The following LIPG variants were observed in gnomAD, a reference collection of about 807,000 sequenced individuals.
The protein encoded by LIPG is endothelial lipase.
Under a neutral mutation model 51.8 loss-of-function variants are expected in LIPG, and 34 were observed. The observed-to-expected ratio is 0.66, with a 90% CI of 0.50 to 0.87. The LOEUF (loss-of-function observed/expected upper bound fraction) is 0.87, where lower values mean the gene tolerates loss of function less well. Ranked by LOEUF, LIPG falls within the 40% of genes least tolerant of loss-of-function variation. The pLI is 0.00. For synonymous variants in LIPG, 246 were observed against 246.1 expected, an observed-to-expected ratio of 1.00 and a Z score of 0.00; for missense variants, 580 against 652.7, an observed-to-expected ratio of 0.89 and a Z score of 1.21.
chr18:49,583,485 G>C (rs2084846222), intron 7 of LIPG, 71 bp from the exon 8 acceptor site: 5 of 1,287,026 alleles, frequency 3.9e-6, no homozygotes, highest in Admixed American at 1.7e-5. Flanking sequence ...TACTGCCACT[G>C]TGTCACCCCA....
chr18:49,569,765 G>A (rs568841232), intron 4 of LIPG, among the ~76,000 whole-genome samples: 1 of 152,120 alleles, frequency 6.6e-6, no homozygotes, highest in Non-Finnish European at 1.5e-5. Flanking sequence ...ACACAGAAAG[G>A]GGGGTGCTGT....
chr18:49,572,326 T>TA (rs981809449), intron 4 of LIPG, among the ~76,000 whole-genome samples: 1 of 88,376 alleles, frequency 1.1e-5, no homozygotes, highest in Non-Finnish European at 2.9e-5. Context: ...GTCTCAAAAA[T>TA]AAAAAATAAA....
Position 49,575,481 on chromosome 18 carries a change from G to C in LIPG, c.684G>C (p.Leu228Phe), listed in dbSNP as rs766132335. The change falls in exon 5 of 10, where the codon TTG becomes TTC. Residue 228 changes from leucine (L) to phenylalanine (F), a missense_variant. By Grantham distance (22) the Leu-to-Phe change is conservative. Transcript: ENST00000261292. ...VLHTYTRSFG[L>F]SIGIQMPVGH... ...ACACCTACACGCGTTCCTTCGGCTT[G>C]AGCATTGGTATTCAGATGCCTGTGG... The C allele has an allele frequency of 6.2e-7, 1 of 1,614,218 alleles. No homozygotes were observed. The highest frequency in any genetic ancestry group is 1.7e-5 in the Admixed American group (1 of 60,022).
chr18:49,570,200 G>A (rs1414183761), intron 4 of LIPG, among the ~76,000 whole-genome samples: 2 of 152,232 alleles, frequency 1.3e-5, no homozygotes, highest in Non-Finnish European at 2.9e-5. Flanking sequence ...GAACCTTTCT[G>A]ATATTGGTCC....
intron 4 of LIPG, among the ~76,000 whole-genome samples, chr18:49,572,822 G>A (rs1228447555): frequency 6.6e-6 from 1 of 152,140 alleles, no homozygotes; most frequent in East Asian, 1.9e-4. Context: ...TTTTACATGT[G>A]TGCATGTGTG....
chr18:49,584,805 C>T (rs1406769343), intron 8 of LIPG, among the ~76,000 whole-genome samples: 1 of 151,998 alleles, frequency 6.6e-6, no homozygotes, highest in Non-Finnish European at 1.5e-5. Context: ...GATGTGAGAG[C>T]AGAAAGATGA....
At chr18:49,586,399 T>G (rs141692155) in intron 8 of LIPG, among the ~76,000 whole-genome samples, 2 of 152,352 alleles carry the variant, frequency 1.3e-5, no homozygotes, top group African/African-American at 4.8e-5. Context: ...ACATACTTTG[T>G]AACCAGTTTA....
At chr18:49,576,143 A>G (rs1465142314) in intron 5 of LIPG, among the ~76,000 whole-genome samples, 1 of 151,722 alleles carries the variant, frequency 6.6e-6, no homozygotes, top group East Asian at 1.9e-4. Flanking sequence ...CGGCTGATTA[A>G]TTTCTTTTTA....
At chr18:49,579,804 T>TTTTCTTTTC (rs1491585517) in intron 5 of LIPG, among the ~76,000 whole-genome samples, 1 of 140,952 alleles carries the variant, frequency 7.1e-6, no homozygotes, top group African/African-American at 3.0e-5. Context: ...TTTTCTTTTC[T>TTTTCTTTTC]TTTCTTTTCT....
intron 9 of LIPG, among the ~76,000 whole-genome samples, chr18:49,587,713 A>C (rs371203149): frequency 6.6e-6 from 1 of 151,702 alleles, no homozygotes; most frequent in African/African-American, 2.4e-5. Context: ...TTCATTGTAC[A>C]TGACCCTACT....
rs2084964065 is a variant in LIPG at position 49,593,540 on chromosome 18, CCAGAGGG to C, written c.*3019_*3025del. Reference sequence around the variant, plus strand: ...TGGAACTAGATATCAGTGACTTAGACCAGAGGGAAGCTGATTTCTCTATTGGTTAAAG... The same window carrying C: ...TGGAACTAGATATCAGTGACTTAGACAAGCTGATTTCTCTATTGGTTAAAG... On this transcript the variant is annotated 3_prime_UTR_variant, in exon 10 of 10. Coordinates refer to ENST00000261292, the MANE Select transcript of LIPG (RefSeq NM_006033.4). 6.6e-6 allele frequency: 1 copy of C among 152,104 alleles called. No homozygotes were observed. Among genetic ancestry groups the C allele is most frequent in the Admixed American group, 6.6e-5 (1 of 15,260 alleles). The allele number at this position is 152,104 out of a possible 1,614,324, so 9.4% of individuals were successfully genotyped here. A position where few individuals can be genotyped will look rare whatever the true frequency, so the allele number is the denominator to read the frequency against.
rs2148850691 is a variant in LIPG, at chr18:49,575,583, A to G, written c.786A>G (p.Ala262=). The G allele has an allele frequency of 2.5e-6, 4 of 1,613,710 alleles. No homozygotes were observed. Among genetic ancestry groups the G allele is most frequent in the Middle Eastern group, 1.7e-4 (1 of 6,060 alleles). Residue 262 remains alanine (A), a synonymous_variant, in exon 5 of 10, where the codon GCA becomes GCG. Coordinates refer to ENST00000261292, the MANE Select transcript of LIPG (RefSeq NM_006033.4). ...CGLNDVLGSI[A]YGTITEVVKC... ...TCAACGATGTCTTGGGATCAATTGC[A>G]TATGGAAGTGAGTTCCCTCTTTTCT...
At position 49,569,497 on chromosome 18, in the gene LIPG, G is replaced by A. The variant is rs757034572; in HGVS notation, c.520G>A (p.Val174Met). ...HLIGYSLGAH[V>M]AGYAGNFVKG... ...GATCGGCTACAGCCTCGGAGCGCAC[G>A]TGGCCGGGTATGCAGGCAACTTCGT... Residue 174 changes from valine (V) to methionine (M), a missense_variant, in exon 4 of 10, where the codon GTG (valine) becomes ATG (methionine). Transcript: ENST00000261292. The A allele has an allele frequency of 1.4e-5, 22 of 1,614,082 alleles. No individual in the cohort carries two copies. Among genetic ancestry groups the A allele is most frequent in the South Asian group, 2.2e-5 (2 of 91,082 alleles).
rs865936721 is a variant in LIPG, at chr18:49,579,008, G to A, written c.794-2407G>A. Among the ~76,000 whole-genome samples the A allele has an allele frequency of 1.3e-3, 9 of 6,946 alleles. No individual in the cohort carries two copies. The South Asian group carries it at 0.033, about 26-fold the overall frequency. The allele number at this position is 6,946 out of a possible 152,430, so 4.6% of individuals were successfully genotyped here. On this transcript the variant is annotated intron_variant, in intron 5 of 9. Transcript: ENST00000261292. ...ACATGAGAGGGAGACCGTGGGGAGAGGGAGAGGGAGAGGGAGAGGGAGAGG... is the reference window on the plus strand; with the variant it reads ...ACATGAGAGGGAGACCGTGGGGAGAAGGAGAGGGAGAGGGAGAGGGAGAGG...
At position 49,597,635 on chromosome 18, in the gene LIPG, T is replaced by A. The variant is rs1411354005; in HGVS notation, c.*7113T>A. The A allele has an allele frequency of 6.6e-6, 1 of 152,338 alleles. No homozygotes were observed. Among genetic ancestry groups the A allele is most frequent in the Non-Finnish European group, 1.5e-5 (1 of 68,156 alleles). 9.4% of individuals were successfully genotyped at this position (152,338 alleles called of 1,614,324 possible). A position where few individuals can be genotyped will look rare whatever the true frequency, so the allele number is the denominator to read the frequency against. ...AGAAGACTCTGGAAGCTAGGACAGG[T>A]CTCAGCAGGTGAGGGCTCAGGCCCA... On this transcript the variant is annotated 3_prime_UTR_variant, in exon 10 of 10. Transcript: ENST00000261292.
At chr18:49,580,063 C>A (rs1405760936) in intron 5 of LIPG, among the ~76,000 whole-genome samples, 1 of 152,214 alleles carries the variant, frequency 6.6e-6, no homozygotes, top group Non-Finnish European at 1.5e-5. Context: ...ATCCACCCAC[C>A]TTGGCCTCCC....
At position 49,586,752 on chromosome 18, in the gene LIPG, A is replaced by G; in HGVS notation, c.1383A>G (p.Thr461=). 1 of 1,613,456 alleles carries G rather than the reference A, an allele frequency of 6.2e-7. No individual in the cohort carries two copies. The highest frequency in any genetic ancestry group is 1.1e-5 in the South Asian group (1 of 91,054). Residue 461 remains threonine (T), a synonymous_variant, in exon 9 of 10, where the codon ACA becomes ACG. Coordinates refer to ENST00000261292, the MANE Select transcript of LIPG (RefSeq NM_006033.4). ...GGTTTCTTTTCCCTCCTAGACTGAC[A>G]TTTTGTACAGAAGACCCTGAGAACA... is the stretch of plus-strand genomic sequence containing the variant. ...VKSGETQRKL[T]FCTEDPENTS... is the part of the protein sequence containing the mutation.
At chr18:49,576,322 T>C (rs1316534995) in intron 5 of LIPG, among the ~76,000 whole-genome samples, 1 of 152,080 alleles carries the variant, frequency 6.6e-6, no homozygotes, top group East Asian at 1.9e-4. Flanking sequence ...ATTATTTGCA[T>C]GCATATTTTT....
Position 49,592,582 on chromosome 18 carries a change from G to A in LIPG, c.*2060G>A, listed in dbSNP as rs1354041940. Reference sequence around the variant, plus strand: ...TCTTGTTGGTGCTCAAAAAGTTTTGGATTTTGGAGCATTTCGGATTTTGGA... The same window carrying A: ...TCTTGTTGGTGCTCAAAAAGTTTTGAATTTTGGAGCATTTCGGATTTTGGA... On this transcript the variant is annotated 3_prime_UTR_variant, in exon 10 of 10. Transcript: ENST00000261292. 1 of 156,192 alleles carries A rather than the reference G, an allele frequency of 6.4e-6. No homozygotes were observed. 9.7% of individuals were successfully genotyped at this position (156,192 alleles called of 1,614,324 possible).
Sources: gnomAD v4.1 joint callset for allele counts (sites outside exome capture counted in the v4.1 genomes callset) on GRCh38, gnomAD v4.1.1 for gene constraint, MANE v1.5 for transcripts, NCBI Gene and HGNC (gene_info 2026-07-23, HGNC 2026-07-21) for gene names.